ARID2: variants seen among roughly 807,000 people sequenced by gnomAD.
ARID2 encodes AT-rich interactive domain-containing protein 2.
In ARID2, 32 loss-of-function variants were observed where a neutral mutation model predicts 184.6. That is an observed-to-expected ratio of 0.17 (90% CI 0.13 to 0.23). The LOEUF (loss-of-function observed/expected upper bound fraction) is 0.23. ARID2 is among the 10% of genes least tolerant of loss of function. The pLI, the probability that ARID2 is intolerant of heterozygous loss-of-function variation, is 1.00. For missense variants in ARID2, 1,696 were observed against 2,197.6 expected (o/e 0.77, Z 4.56); for synonymous variants, 836 against 772.6 (o/e 1.08, Z -1.36).
At chr12:45,903,846 G>A (rs1436200812) in intron 20 of ARID2, among the ~76,000 whole-genome samples, 2 of 151,686 alleles carry the variant, frequency 1.3e-5, no homozygotes, top group Non-Finnish European at 2.9e-5. Context: ...ATCTCATGCT[G>A]GCTGATATTT....
At chr12:45,798,214 T>C (rs1012175991) in intron 3 of ARID2, among the ~76,000 whole-genome samples, 1 of 152,196 alleles carries the variant, frequency 6.6e-6, no homozygotes. Context: ...ACGTGTTTTT[T>C]TTTTCCAGTA....
At chr12:45,756,142 G>A (rs1941566695) in intron 3 of ARID2, 1 of 152,350 alleles carries the variant, frequency 6.6e-6, no homozygotes, top group Non-Finnish European at 1.5e-5. Flanking sequence ...CTGGCCTCAA[G>A]TGATCCTCCT....
Position 45,837,625 on chromosome 12 carries a change from C to T in ARID2, c.1248C>T (p.Ile416=), listed in dbSNP as rs770186081. 3 of 1,614,060 alleles carry T rather than the reference C, an allele frequency of 1.9e-6. No individual in the cohort carries two copies. The highest frequency in any genetic ancestry group is 2.5e-6 in the Non-Finnish European group (3 of 1,179,994). The change falls in exon 10 of 21, where the codon ATC becomes ATT. Residue 416 remains isoleucine (I), a synonymous_variant. Coordinates refer to ENST00000334344, the MANE Select transcript of ARID2 (RefSeq NM_152641.4). ...CTTTACCTGATGTGCTGCTTGTAAT[C>T]TCAACACTCGAGGTGCTATACATGC... ...HLTLPDVLLV[I]STLEVLYMLT...
chr12:45,836,362 A>T (rs904828603), intron 6 of ARID2, among the ~76,000 whole-genome samples: 1 of 152,096 alleles, frequency 6.6e-6, no homozygotes, highest in Admixed American at 6.5e-5. Context: ...GGCACATGCC[A>T]CCACTCCTGG....
chr12:45,861,972 A>G (rs1008871655), intron 16 of ARID2, among the ~76,000 whole-genome samples: 1 of 152,188 alleles, frequency 6.6e-6, no homozygotes, highest in African/African-American at 2.4e-5. Flanking sequence ...TATCTTTTAC[A>G]AGCTATCTTT....
At chr12:45,855,037 T>A (rs1385704677) in intron 15 of ARID2, among the ~76,000 whole-genome samples, 1 of 152,224 alleles carries the variant, frequency 6.6e-6, no homozygotes, top group Non-Finnish European at 1.5e-5. Context: ...CTAGAAGATT[T>A]CTCTATAAAG....
At chr12:45,782,216 A>G (rs1374762376) in intron 3 of ARID2, among the ~76,000 whole-genome samples, 2 of 152,216 alleles carry the variant, frequency 1.3e-5, no homozygotes, top group Admixed American at 6.5e-5. Context: ...AAATGTGTCT[A>G]GAAACAAAGT....
chr12:45,754,765 G>A (rs1307046323), intron 3 of ARID2, among the ~76,000 whole-genome samples: 2 of 152,188 alleles, frequency 1.3e-5, no homozygotes, highest in East Asian at 1.9e-4. Flanking sequence ...TGAGGAGGTA[G>A]GGACTTAGTA....
chr12:45,807,414 C>A (rs1942622149), intron 3 of ARID2, among the ~76,000 whole-genome samples: 2 of 151,666 alleles, frequency 1.3e-5, no homozygotes, highest in South Asian at 4.2e-4. Flanking sequence ...AGTATTCTAC[C>A]AAAATATTTA....
chr12:45,801,539 G>T (rs374028254), intron 3 of ARID2, among the ~76,000 whole-genome samples: 2 of 152,054 alleles, frequency 1.3e-5, no homozygotes, highest in Non-Finnish European at 2.9e-5. Context: ...AAGTAAAAGC[G>T]CCAACTGTGA....
At chr12:45,817,982 A>G (rs1364479922) in intron 5 of ARID2, 94 bp downstream of exon 5, 1 of 892,096 alleles carries the variant, frequency 1.1e-6, no homozygotes, top group Non-Finnish European at 1.6e-6. Flanking sequence ...TGTCAACATA[A>G]TAGCATTCTT....
chr12:45,881,304 T>C, intron 16 of ARID2: 1 of 162,292 alleles, frequency 6.2e-6, no homozygotes, highest in Non-Finnish European at 1.4e-5. Context: ...TGCAAGGCCT[T>C]CCACCTCACC....
At chr12:45,805,636 A>T (rs1014606100) in intron 3 of ARID2, among the ~76,000 whole-genome samples, 5 of 152,122 alleles carry the variant, frequency 3.3e-5, no homozygotes, top group African/African-American at 1.2e-4. Context: ...ATTGAGGTAC[A>T]ATTGACTAAT....
chr12:45,795,483 G>C (rs1365153986), intron 3 of ARID2, among the ~76,000 whole-genome samples: 5 of 151,950 alleles, frequency 3.3e-5, no homozygotes, highest in Non-Finnish European at 7.4e-5. Context: ...CCAGGCTGGA[G>C]TGCAGTGGTG....
chr12:45,811,645 T>C (rs961996903), intron 4 of ARID2, 94 bp downstream of exon 4: 45 of 1,360,398 alleles, frequency 3.3e-5, no homozygotes, highest in Non-Finnish European at 4.3e-5. Context: ...CCTTTGCACA[T>C]GAGAACACTT....
At chr12:45,825,513 CAAA>C (rs1013765035) in intron 6 of ARID2, among the ~76,000 whole-genome samples, 18 of 152,114 alleles carry the variant, frequency 1.2e-4, no homozygotes, top group Non-Finnish European at 2.2e-4. Flanking sequence ...GTTTAACTAA[CAAA>C]AACTGCTAAT....
At chr12:45,773,276 G>A (rs914752377) in intron 3 of ARID2, among the ~76,000 whole-genome samples, 3 of 151,938 alleles carry the variant, frequency 2.0e-5, no homozygotes, top group African/African-American at 7.3e-5. Flanking sequence ...ATCTGTAATT[G>A]TAAATGTCTA....
intron 3 of ARID2, among the ~76,000 whole-genome samples, chr12:45,753,202 CAGG>C (rs1218030469): frequency 3.3e-5 from 5 of 151,928 alleles, no homozygotes; most frequent in Middle Eastern, 3.2e-3. Context: ...GCAGAGGTTG[CAGG>C]AGAATCACTT....
intron 16 of ARID2, among the ~76,000 whole-genome samples, chr12:45,863,052 A>C (rs1943775642): frequency 6.6e-6 from 1 of 152,226 alleles, no homozygotes; most frequent in South Asian, 2.1e-4. Flanking sequence ...AAAACAAATA[A>C]ATTACAGTAT....
Sources: gnomAD v4.1 joint callset for allele counts (sites outside exome capture counted in the v4.1 genomes callset) on GRCh38, gnomAD v4.1.1 for gene constraint, MANE v1.5 for transcripts, NCBI Gene and HGNC (gene_info 2026-07-23, HGNC 2026-07-21) for gene names.